RABL2B: variants seen among roughly 807,000 people sequenced by gnomAD.
The protein encoded by RABL2B is rab-like protein 2B.
RABL2B carries 17 observed loss-of-function variants against 26.7 expected under a neutral mutation model. The observed-to-expected ratio is 0.64, with a 90% confidence interval of 0.44 to 0.95. The LOEUF is 0.95. Among genes scored for constraint, RABL2B ranks in the 40% least tolerant of loss-of-function variants. RABL2B has a pLI of 0.00. For missense variants in RABL2B, 170 were observed against 277.2 expected (o/e 0.61, Z 2.75); for synonymous variants, 70 against 103.9 (o/e 0.67, Z 1.99).
rs567584887 is a variant in RABL2B, at chr22:50,774,248, T to C, written c.297+1524A>G. Among the ~76,000 whole-genome samples, 88 of 152,208 alleles carry C rather than the reference T, an allele frequency of 5.8e-4. 1 individual carries two copies. The highest frequency in any genetic ancestry group is 3.1e-3 in the South Asian group (15 of 4,824). On this transcript the variant is annotated intron_variant, in intron 5 of 8. Transcript: ENST00000691320. Reference sequence around the variant, plus strand: ...CAATGGTGGCAACCTGTCCATCCCATGTGTTCTTTTAACCATATGATTCTG... The same window carrying C: ...CAATGGTGGCAACCTGTCCATCCCACGTGTTCTTTTAACCATATGATTCTG...
At chr22:50,780,741 A>G (rs1483334766) in intron 2 of RABL2B, 2 of 470,670 alleles carry the variant, frequency 4.2e-6, no homozygotes, top group African/African-American at 2.0e-5. Context: ...ATGTTATGGT[A>G]ATCTTTGACG....
rs1256543944 is a variant in RABL2B, at chr22:50,767,642, G to A, written c.*1134C>T. 1 of 371,394 alleles carries A rather than the reference G, an allele frequency of 2.7e-6. No homozygotes were observed. The highest frequency in any genetic ancestry group is 2.2e-5 in the African/African-American group (1 of 45,806). 23.0% of individuals were successfully genotyped at this position (371,394 alleles called of 1,614,324 possible). ...ACAAGTACCAGAGAGGGGTGAACAG[G>A]CATATCTGCTAGCTCTCCTCTTGCA... On this transcript the variant is annotated 3_prime_UTR_variant, in exon 9 of 9. Transcript: ENST00000691320.
chr22:50,770,895 A>AT (rs2084045037), intron 5 of RABL2B, among the ~76,000 whole-genome samples: 1 of 139,262 alleles, frequency 7.2e-6, no homozygotes, highest in Admixed American at 6.8e-5. Context: ...GCACGCATTA[A>AT]TTTTTATTTT....
rs1247591596 is a variant in RABL2B at position 50,776,172 on chromosome 22, A to G, written c.218-321T>C. Among the ~76,000 whole-genome samples, 127 of 152,260 alleles carry G rather than the reference A, an allele frequency of 8.3e-4. 2 individuals carry two copies. Among genetic ancestry groups the G allele is most frequent in the African/African-American group, 2.9e-3 (120 of 41,546 alleles). ...TGACACGCAGGGTCCTCTAAGTTCC[A>G]AACTATTCCAACTTCTCACGTGCGC... On this transcript the variant is annotated intron_variant, in intron 4 of 8. Transcript: ENST00000691320.
At chr22:50,781,150 C>G in intron 2 of RABL2B, among the ~76,000 whole-genome samples, 1 of 151,986 alleles carries the variant, frequency 6.6e-6, no homozygotes, top group South Asian at 2.1e-4. Context: ...ACCATCCTGG[C>G]TAATAAGGTG....
chr22:50,769,375 G>T, intron 7 of RABL2B, 80 bp downstream of exon 7: 1 of 1,611,770 alleles, frequency 6.2e-7, no homozygotes, highest in Admixed American at 1.7e-5. Context: ...CATCACACCT[G>T]CAGTAAGCCC....
chr22:50,770,084 C>T, intron 5 of RABL2B, 68 bp from the exon 6 acceptor site: 2 of 1,601,096 alleles, frequency 1.2e-6, no homozygotes, highest in Non-Finnish European at 1.7e-6. Flanking sequence ...CTCCAGGTGA[C>T]TCACACACCC....
At chr22:50,780,780 T>C in intron 2 of RABL2B, 1 of 470,220 alleles carries the variant, frequency 2.1e-6, no homozygotes, top group Middle Eastern at 3.3e-4. Flanking sequence ...TTCTTATTTT[T>C]TGTTACTGTT....
chr22:50,774,141 C>G (rs1187868499), intron 5 of RABL2B, among the ~76,000 whole-genome samples: 1 of 152,188 alleles, frequency 6.6e-6, no homozygotes, highest in Non-Finnish European at 1.5e-5. Flanking sequence ...GTGATCCGCC[C>G]GCCTCGGCCT....
At chr22:50,780,571 G>A (rs1174194517) in intron 2 of RABL2B, 5 of 409,910 alleles carry the variant, frequency 1.2e-5, no homozygotes, top group Non-Finnish European at 2.5e-5. Context: ...AGTAATTCTT[G>A]AGTCCAGTCA....
chr22:50,769,988 T>C lies in RABL2B; in HGVS notation c.326A>G (p.Tyr109Cys), dbSNP rs1314050864. 9.3e-6 allele frequency: 15 copies of C among 1,613,722 alleles called. No individual in the cohort carries two copies. The highest frequency in any genetic ancestry group is 1.2e-5 in the Non-Finnish European group (14 of 1,179,850). Residue 109 changes from tyrosine to cysteine, a missense_variant, in exon 6 of 9, where the codon TAT becomes TGT. Tyr to Cys is a radical substitution (Grantham distance 194). Coordinates refer to ENST00000691320, the MANE Select transcript of RABL2B (RefSeq NM_001130919.3). ...MVFDVQRKVT[Y>C]RNLSTWYTEL... ...TGTATACCAGGTGCTCAGGTTCCTA[T>C]AGGTGACTTTCCTCTGTACATCAAA...
chr22:50,774,151 TC>T (rs2084620180), intron 5 of RABL2B, among the ~76,000 whole-genome samples: 1 of 152,192 alleles, frequency 6.6e-6, no homozygotes, highest in Admixed American at 6.5e-5. Context: ...CGCCTCGGCC[TC>T]CCAAAGTGCT....
At chr22:50,778,686 T>C (rs1412570845) in intron 2 of RABL2B, among the ~76,000 whole-genome samples, 2 of 146,518 alleles carry the variant, frequency 1.4e-5, no homozygotes, top group African/African-American at 5.2e-5. Flanking sequence ...CCTCCTTTTG[T>C]TGTTGAAATG....
chr22:50,772,865 G>C (rs1290528811), intron 5 of RABL2B: 3 of 1,191,882 alleles, frequency 2.5e-6, no homozygotes, highest in Non-Finnish European at 3.2e-6. Context: ...GAGCTGGCTA[G>C]AATGAGGAGC....
Position 50,770,905 on chromosome 22 carries a change from T to A in RABL2B, c.298-889A>T, listed in dbSNP as rs557576478. Among the ~76,000 whole-genome samples, 10 of 138,830 alleles carry A rather than the reference T, an allele frequency of 7.2e-5. No homozygotes were observed. In the South Asian group the frequency reaches 1.5e-3, roughly 21 times the overall value. The allele number at this position is 138,830 out of a possible 152,430, so 91.1% of individuals were successfully genotyped here. On this transcript the variant is annotated intron_variant, in intron 5 of 8. Coordinates refer to ENST00000691320, the MANE Select transcript of RABL2B (RefSeq NM_001130919.3). ...AGCACGCACGCATTAATTTTTATTT[T>A]TTTATTTTTTTTTTTTTGTAGAGGC...
intron 5 of RABL2B, chr22:50,770,282 G>A: frequency 2.1e-6 from 1 of 478,780 alleles, no homozygotes; most frequent in South Asian, 2.1e-5. Context: ...TTGGGAGGTT[G>A]AGGTGGGTCA....
rs2084410001 is a variant in RABL2B, at chr22:50,772,979, C to G, written c.297+2793G>C. The G allele has an allele frequency of 1.1e-5, 14 of 1,288,984 alleles. No individual in the cohort carries two copies. In the South Asian group the frequency reaches 1.8e-4, roughly 16 times the overall value. The allele number at this position is 1,288,984 out of a possible 1,614,324, so 79.8% of individuals were successfully genotyped here. On this transcript the variant is annotated intron_variant, in intron 5 of 8. Transcript: ENST00000691320. ...GGCAAGTGCTTTCTACTCGCCAGGGCCCGTGCAGCAGACTGGGGCTGGTGG... is the reference window on the plus strand; with the variant it reads ...GGCAAGTGCTTTCTACTCGCCAGGGGCCGTGCAGCAGACTGGGGCTGGTGG...
At chr22:50,775,510 C>T (rs1297887831) in intron 5 of RABL2B, among the ~76,000 whole-genome samples, 3 of 152,172 alleles carry the variant, frequency 2.0e-5, no homozygotes, top group African/African-American at 7.2e-5. Flanking sequence ...ATGTTTGCCT[C>T]TTGGATGCTA....
chr22:50,778,809 T>C (rs1416800742), intron 2 of RABL2B, among the ~76,000 whole-genome samples: 95 of 148,234 alleles, frequency 6.4e-4, no homozygotes, highest in African/African-American at 2.3e-3. Context: ...CAACCTTTTT[T>C]CCCTCACGTT....
Sources: allele counts gnomAD v4.1 joint callset (sites outside exome capture counted in the v4.1 genomes callset), GRCh38; gene constraint gnomAD v4.1.1; transcripts MANE v1.5; gene names NCBI Gene and HGNC (gene_info 2026-07-23, HGNC 2026-07-21).